The following TACC2 variants were observed in gnomAD, a reference collection of about 807,000 sequenced individuals.
TACC2 encodes the protein transforming acidic coiled-coil containing protein 2, also known as transforming acidic coiled-coil-containing protein 2.
Under a neutral mutation model 227.3 loss-of-function variants are expected in TACC2, and 137 were observed. That is an observed-to-expected ratio of 0.60 (90% confidence interval 0.52 to 0.69). The LOEUF is 0.69. TACC2 is among the 30% of genes least tolerant of loss of function. The pLI, the probability that TACC2 is intolerant of heterozygous loss-of-function variation, is 0.00. For synonymous variants in TACC2, 1,523 were observed against 1,487.5 expected, an observed-to-expected ratio of 1.02 and a Z score of -0.55; for missense variants, 3,470 against 3,694.4, an observed-to-expected ratio of 0.94 and a Z score of 1.57.
chr10:122,216,949 C>T (rs753565407), intron 11 of TACC2, 121 bp downstream of exon 11: 26 of 1,553,560 alleles, frequency 1.7e-5, no homozygotes, highest in Middle Eastern at 1.7e-4. Context: ...ATTGTGAGAT[C>T]GTCTGCACGT....
At chr10:122,213,222 G>A (rs1439285627) in intron 9 of TACC2, 4 of 964,564 alleles carry the variant, frequency 4.1e-6, no homozygotes, top group Non-Finnish European at 6.4e-6. Context: ...AAAAGCTGGG[G>A]CATTGCCCTA....
chr10:122,050,607 T>C lies in TACC2; in HGVS notation c.146+57T>C. On this transcript the variant is annotated intron_variant, in intron 3 of 22. Transcript: ENST00000369005. The surrounding 1 kb of genome is among the most constrained non-coding windows in gnomAD (Gnocchi z 4.6). ...CCCAAGGACTGCCCCGCTCATTGCC[T>C]GCTCCAGCATTAGCTTTGCCCCATT... The C allele has an allele frequency of 7.3e-7, 1 of 1,363,480 alleles. No homozygotes were observed. Among genetic ancestry groups the C allele is most frequent in the African/African-American group, 1.4e-5 (1 of 69,274 alleles). 84.5% of individuals were successfully genotyped at this position (1,363,480 alleles called of 1,614,324 possible).
In TACC2 at chr10:122,141,865, G is replaced by A. The variant is rs113047503; in HGVS notation, c.5700-1707G>A. On this transcript the variant is annotated intron_variant, in intron 6 of 22. Coordinates refer to ENST00000369005, the MANE Select transcript of TACC2 (RefSeq NM_206862.4). This position sits in a 1 kb window ranked among gnomAD's most constrained non-coding sequence, Gnocchi z 4.3. ...CAGCAGTGTAATTTCTTGAGAAAGC[G>A]AAGTTAGACTAGTAGTTTGCGTTTG... Among the ~76,000 whole-genome samples, 7 of 152,294 alleles carry A rather than the reference G, an allele frequency of 4.6e-5. No individual in the cohort carries two copies. Among genetic ancestry groups the A allele is most frequent in the South Asian group, 2.1e-4 (1 of 4,828 alleles).
chr10:122,062,512 C>G (rs1250678584), intron 3 of TACC2, among the ~76,000 whole-genome samples: 2 of 150,192 alleles, frequency 1.3e-5, no homozygotes, highest in South Asian at 2.1e-4. Flanking sequence ...CAGGGTTTCT[C>G]CATATTGGTC....
intron 12 of TACC2, among the ~76,000 whole-genome samples, chr10:122,225,979 C>T (rs959652956): frequency 6.6e-6 from 1 of 152,198 alleles, no homozygotes; most frequent in African/African-American, 2.4e-5. Context: ...TGGGCTCATT[C>T]AGCTATGGTC....
chr10:122,121,580 A>G (rs560972929), intron 5 of TACC2, among the ~76,000 whole-genome samples: 1 of 152,336 alleles, frequency 6.6e-6, no homozygotes, highest in South Asian at 2.1e-4. Context: ...AGTATCTAAA[A>G]AATGTCTGGG....
At chr10:122,127,756 T>C (rs150414034) in intron 5 of TACC2, among the ~76,000 whole-genome samples, 232 of 152,290 alleles carry the variant, frequency 1.5e-3, no homozygotes, top group African/African-American at 5.5e-3. Flanking sequence ...CTCCCATCCT[T>C]AGCCACCTGG....
intron 2 of TACC2, among the ~76,000 whole-genome samples, chr10:122,037,478 G>A (rs1035508607): frequency 3.3e-5 from 5 of 152,204 alleles, no homozygotes; most frequent in African/African-American, 1.2e-4. Context: ...AGCTCTGTCT[G>A]GGCTCAGCGG....
In TACC2 at chr10:122,086,521, G is replaced by A. The variant is rs752456833; in HGVS notation, c.4021G>A (p.Ala1341Thr). ...GCCACTTCTGGCCAAGGGCAAGCAGGCAACAGGGGAAGAGAAAGCAGCAAC... is the reference window on the plus strand; with the variant it reads ...GCCACTTCTGGCCAAGGGCAAGCAGACAACAGGGGAAGAGAAAGCAGCAAC... ...RMPLLAKGKQ[A>T]TGEEKAATAP... The change falls in exon 4 of 23, where the codon GCA becomes ACA. Residue 1341 changes from alanine (A) to threonine (T), a missense_variant. Around this residue, in one of 10 missense-constraint regions of TACC2, gnomAD observed 1,924 missense variants for 1,978.3 expected, o/e 0.97. Coordinates refer to ENST00000369005, the MANE Select transcript of TACC2 (RefSeq NM_206862.4). 6.2e-7 allele frequency: 1 copy of A among 1,612,286 alleles called. No individual in the cohort carries two copies. Among genetic ancestry groups the A allele is most frequent in the Non-Finnish European group, 8.5e-7 (1 of 1,179,180 alleles).
intron 11 of TACC2, among the ~76,000 whole-genome samples, chr10:122,219,238 C>A (rs1267140159): frequency 2.6e-4 from 39 of 152,074 alleles, no homozygotes; most frequent in African/African-American, 8.7e-4. Context: ...GCACTCCCCC[C>A]ACCTCATCCC....
intron 7 of TACC2, among the ~76,000 whole-genome samples, chr10:122,191,242 C>T (rs546758201): frequency 8.5e-5 from 13 of 152,260 alleles, no homozygotes; most frequent in Non-Finnish European, 1.3e-4. Context: ...TCTGCCTCCA[C>T]GTAGCTGGGA....
intron 1 of TACC2, among the ~76,000 whole-genome samples, chr10:121,997,494 C>T (rs560506422): frequency 6.6e-6 from 1 of 152,216 alleles, no homozygotes; most frequent in South Asian, 2.1e-4. Flanking sequence ...CAGAATCTAC[C>T]CTTAGTCCAA....
chr10:122,173,181 C>G (rs1321886415), intron 7 of TACC2, among the ~76,000 whole-genome samples: 3 of 152,184 alleles, frequency 2.0e-5, no homozygotes, highest in Non-Finnish European at 2.9e-5. Flanking sequence ...CTCCTCACCC[C>G]AGACAACCCC....
At chr10:122,031,504 A>C (rs1412118378) in intron 2 of TACC2, among the ~76,000 whole-genome samples, 1 of 143,804 alleles carries the variant, frequency 7.0e-6, no homozygotes, top group Non-Finnish European at 1.5e-5. Flanking sequence ...TTCTGGGTTC[A>C]TGCCATTCTC....
At chr10:122,036,195 CT>C (rs556416510) in intron 2 of TACC2, among the ~76,000 whole-genome samples, 148 of 139,028 alleles carry the variant, frequency 1.1e-3, no homozygotes, top group East Asian at 4.3e-3. Flanking sequence ...CTAATCCATT[CT>C]TTTTTTTTTT....
chr10:122,049,591 G>A (rs2075447666), intron 2 of TACC2, among the ~76,000 whole-genome samples: 1 of 152,112 alleles, frequency 6.6e-6, no homozygotes, highest in Non-Finnish European at 1.5e-5. Flanking sequence ...TTTGGGGTGG[G>A]GGCACAGGGT....
intron 2 of TACC2, among the ~76,000 whole-genome samples, chr10:122,030,709 G>T (rs1379605806): frequency 6.6e-6 from 1 of 151,014 alleles, no homozygotes; most frequent in African/African-American, 2.4e-5. Flanking sequence ...AGAGGTCTGG[G>T]TCATGTCTGG....
chr10:122,107,890 TC>T (rs1197218971), intron 5 of TACC2, among the ~76,000 whole-genome samples: 8 of 46,774 alleles, frequency 1.7e-4, no homozygotes, highest in Admixed American at 3.7e-4. Context: ...ATTTTTTTTT[TC>T]TTTTTTCTTT....
intron 2 of TACC2, among the ~76,000 whole-genome samples, chr10:122,032,052 T>A (rs1034077089): frequency 6.6e-6 from 1 of 152,104 alleles, no homozygotes; most frequent in Admixed American, 6.6e-5. Context: ...GCGACCCTGA[T>A]TGTGTCATGT....
Sources: allele counts gnomAD v4.1 joint callset (sites outside exome capture counted in the v4.1 genomes callset), GRCh38; gene constraint gnomAD v4.1.1; regional missense constraint gnomAD v4.1.1; non-coding constraint Gnocchi (gnomAD v3.1); transcripts MANE v1.5; gene names NCBI Gene and HGNC (gene_info 2026-07-23, HGNC 2026-07-21).